Variants in COG7 observed in about 807,000 individuals in gnomAD.
The protein encoded by COG7 is component of oligomeric golgi complex 7.
COG7 carries 49 observed loss-of-function variants against 91.5 expected under a neutral mutation model. The ratio of observed to expected loss-of-function variants is 0.54; its 90% CI spans 0.43 to 0.68. COG7 has a LOEUF of 0.68. Among genes scored for constraint, COG7 ranks in the 30% least tolerant of loss-of-function variants. The pLI is 0.00. For missense variants in COG7, 895 were observed against 961.3 expected (o/e 0.93, Z 0.91); for synonymous variants, 365 against 388.7 (o/e 0.94, Z 0.72).
At chr16:23,436,930 C>A (rs1298835682) in intron 4 of COG7, among the ~76,000 whole-genome samples, 1 of 152,100 alleles carries the variant, frequency 6.6e-6, no homozygotes, top group Non-Finnish European at 1.5e-5. Context: ...TTCAGAGAAT[C>A]CCAACTAGAT....
rs1342975701 is a variant in COG7, at chr16:23,422,469, T to C, written c.1009+2280A>G. ...TTTAAGATATTTTGTATATATTATA[T>C]AACATATATTATTACATGTAAATAT... On this transcript the variant is annotated intron_variant, in intron 7 of 16. Coordinates refer to ENST00000307149, the MANE Select transcript of COG7 (RefSeq NM_153603.4). 4.0e-5 allele frequency among the ~76,000 whole-genome samples: 6 copies of C among 149,064 alleles called. No homozygotes were observed. In the East Asian group the frequency reaches 1.2e-3, roughly 29 times the overall value.
intron 6 of COG7, among the ~76,000 whole-genome samples, chr16:23,426,818 CA>C (rs1176659874): frequency 3.6e-3 from 216 of 60,344 alleles, no homozygotes; most frequent in East Asian, 0.016. Flanking sequence ...AGCAATTGGA[CA>C]AAAAAAAAAA....
chr16:23,437,080 T>C (rs1413419639), intron 4 of COG7, among the ~76,000 whole-genome samples: 2 of 152,166 alleles, frequency 1.3e-5, no homozygotes, highest in East Asian at 3.9e-4. Context: ...CTGTTTCCAC[T>C]GCGGCCCAGC....
chr16:23,434,583 A>C, intron 5 of COG7, 53 bp downstream of exon 5: 4 of 1,295,430 alleles, frequency 3.1e-6, no homozygotes, highest in Non-Finnish European at 4.5e-6. Flanking sequence ...TCTGTGACCC[A>C]GAGTTATGAG....
In COG7 at chr16:23,418,746, T is replaced by C. The variant is rs761056859; in HGVS notation, c.1091A>G (p.Asp364Gly). Residue 364 changes from aspartate (D) to glycine (G), a missense_variant, in exon 8 of 17, where the codon GAC becomes GGC. Transcript: ENST00000307149. ...PYKPYQLKYG[D>G]MEESNLLIQM... Reference sequence around the variant, plus strand: ...GATGAGGAGGTTGCTCTCTTCCATGTCGCCATACTTCAGCTGGTAGGGTTT... The same window carrying C: ...GATGAGGAGGTTGCTCTCTTCCATGCCGCCATACTTCAGCTGGTAGGGTTT... 1 of 1,613,920 alleles carries C rather than the reference T, an allele frequency of 6.2e-7. No individual in the cohort carries two copies. The highest frequency in any genetic ancestry group is 1.1e-5 in the South Asian group (1 of 91,074).
chr16:23,445,670 A>T, intron 2 of COG7, 143 bp downstream of exon 2: 2 of 827,362 alleles, frequency 2.4e-6, no homozygotes, highest in Admixed American at 2.0e-5. Flanking sequence ...AAAAAAAAAG[A>T]GCATAGCTGG....
At chr16:23,440,085 CAAAAAAA>C (rs11294739) in intron 4 of COG7, among the ~76,000 whole-genome samples, 10 of 79,304 alleles carry the variant, frequency 1.3e-4, no homozygotes, top group East Asian at 3.4e-4. Flanking sequence ...CCCATCTATA[CAAAAAAA>C]AAAAAAAAAA....
Position 23,424,740 on chromosome 16 carries a change from A to C in COG7, c.1009+9T>G. 6.2e-7 allele frequency: 1 copy of C among 1,613,986 alleles called. No homozygotes were observed. The highest frequency in any genetic ancestry group is 8.5e-7 in the Non-Finnish European group (1 of 1,179,864). ...ACAAGCTAGAGAACTGGCAGGAAGG[A>C]ATGTTTACGTAGGTGGGGGAGCAGT... On this transcript the variant is annotated intron_variant, in intron 7 of 16. Coordinates refer to ENST00000307149, the MANE Select transcript of COG7 (RefSeq NM_153603.4).
chr16:23,438,324 T>A (rs1964044631), intron 4 of COG7, among the ~76,000 whole-genome samples: 1 of 152,074 alleles, frequency 6.6e-6, no homozygotes, highest in Admixed American at 6.6e-5. Context: ...TTTGAGAGGC[T>A]GAGGAGGGAG....
intron 6 of COG7, among the ~76,000 whole-genome samples, chr16:23,426,818 CAAAAAAAA>C (rs1176659874): frequency 3.3e-5 from 2 of 60,354 alleles, no homozygotes; most frequent in African/African-American, 1.3e-4. Context: ...AGCAATTGGA[CAAAAAAAA>C]AAAAAAAAAA....
chr16:23,429,160 T>C (rs1299768898), intron 6 of COG7, among the ~76,000 whole-genome samples: 3 of 152,062 alleles, frequency 2.0e-5, no homozygotes, highest in Non-Finnish European at 4.4e-5. Flanking sequence ...CAACTAATTT[T>C]TGTATTTTCT....
intron 16 of COG7, chr16:23,391,745 C>A (rs1963199678): frequency 6.2e-6 from 1 of 161,772 alleles, no homozygotes. Context: ...AGACTCCCTG[C>A]CACCTGCCAG....
chr16:23,409,095 ATGTGTG>A (rs111405261), intron 11 of COG7, among the ~76,000 whole-genome samples: 1 of 132,674 alleles, frequency 7.5e-6, no homozygotes, highest in African/African-American at 3.2e-5. Flanking sequence ...GTGTGCGTGC[ATGTGTG>A]TGTGTGTGTG....
intron 14 of COG7, among the ~76,000 whole-genome samples, chr16:23,395,568 G>C (rs1443302066): frequency 6.6e-6 from 1 of 152,196 alleles, no homozygotes; most frequent in Non-Finnish European, 1.5e-5. Context: ...ACAAGGCAAA[G>C]TATCATTTAG....
chr16:23,422,833 A>G (rs975432442), intron 7 of COG7, among the ~76,000 whole-genome samples: 2 of 152,042 alleles, frequency 1.3e-5, no homozygotes, highest in Non-Finnish European at 2.9e-5. Flanking sequence ...GCTTGAGGCA[A>G]GGAGTTTGAG....
chr16:23,417,003 C>CA lies in COG7; in HGVS notation c.1255dup (p.Cys419LeufsTer17), dbSNP rs1963666828. 1 of 1,614,244 alleles carries CA rather than the reference C, an allele frequency of 6.2e-7. No homozygotes were observed. The highest frequency in any genetic ancestry group is 8.5e-7 in the Non-Finnish European group (1 of 1,180,038). On this transcript the variant is annotated frameshift_variant, in exon 9 of 17. Coordinates refer to ENST00000307149, the MANE Select transcript of COG7 (RefSeq NM_153603.4). LOFTEE classifies it high-confidence loss of function. ...GGATTTCAGGGCTGACAACAGGCCG[C>CA]AGGTCCCCAGGCCATTGGTGAATCT... is the stretch of plus-strand genomic sequence containing the variant.
chr16:23,403,331 G>T (rs1567331003), intron 13 of COG7, among the ~76,000 whole-genome samples: 1 of 152,202 alleles, frequency 6.6e-6, no homozygotes, highest in Non-Finnish European at 1.5e-5. Flanking sequence ...CTCCAGAAAT[G>T]ATTCGTGTGG....
chr16:23,444,508 CTTCT>C (rs1374449198), intron 3 of COG7, among the ~76,000 whole-genome samples: 9 of 137,610 alleles, frequency 6.5e-5, no homozygotes, highest in Admixed American at 2.9e-4. Context: ...TTCTTTTCTT[CTTCT>C]TTTTTTTTTT....
At chr16:23,427,151 T>C (rs1463211084) in intron 6 of COG7, among the ~76,000 whole-genome samples, 1 of 152,116 alleles carries the variant, frequency 6.6e-6, no homozygotes, top group Non-Finnish European at 1.5e-5. Context: ...CTGGGGAGGC[T>C]GAGGTAGGAG....
Sources: gnomAD v4.1 joint callset for allele counts (sites outside exome capture counted in the v4.1 genomes callset) on GRCh38, gnomAD v4.1.1 for gene constraint, MANE v1.5 for transcripts, NCBI Gene and HGNC (gene_info 2026-07-23, HGNC 2026-07-21) for gene names.